The following PLEKHA8 variants were observed in gnomAD, a reference collection of about 807,000 sequenced individuals.
The protein encoded by PLEKHA8 is pleckstrin homology domain containing A8, also known as pleckstrin homology domain-containing family A member 8.
In PLEKHA8, 36 loss-of-function variants were observed where a neutral mutation model predicts 68.2. The observed-to-expected ratio is 0.53, with a 90% CI of 0.40 to 0.70. The LOEUF (loss-of-function observed/expected upper bound fraction) is 0.70. Ranked by LOEUF, PLEKHA8 falls within the 30% of genes least tolerant of loss-of-function variation. PLEKHA8 has a pLI of 0.00. For synonymous variants in PLEKHA8, 211 were observed against 216.1 expected (o/e 0.98, Z 0.20); for missense variants, 505 against 615.4 (o/e 0.82, Z 1.90).
chr7:30,129,461 T>A, exon 14 of PLEKHA8: 1 of 859,102 alleles, frequency 1.2e-6, no homozygotes, highest in Non-Finnish European at 1.8e-6. Context: ...AAACTTTATC[T>A]TGTTCAAGTC....
At chr7:30,055,017 C>G in intron 8 of PLEKHA8, 152 bp downstream of exon 8, 1 of 846,028 alleles carries the variant, frequency 1.2e-6, no homozygotes, top group Non-Finnish European at 1.8e-6. Context: ...TCTTTCTTAC[C>G]AATGAATAAG....
intron 13 of PLEKHA8, among the ~76,000 whole-genome samples, chr7:30,111,028 C>T (rs776019680): frequency 8.6e-5 from 13 of 151,984 alleles, no homozygotes; most frequent in Non-Finnish European, 1.6e-4. Flanking sequence ...CCTCAGCCCC[C>T]CGAGTAGCTG....
intron 1 of PLEKHA8, among the ~76,000 whole-genome samples, chr7:30,031,887 AGT>A (rs1422170815): frequency 6.6e-6 from 1 of 152,046 alleles, no homozygotes; most frequent in Admixed American, 6.5e-5. Context: ...GGTTTATGTG[AGT>A]GTATTTCTAG....
chr7:30,118,133 C>A, intron 13 of PLEKHA8: 1 of 976,202 alleles, frequency 1.0e-6, no homozygotes, highest in Non-Finnish European at 1.4e-6. Flanking sequence ...CTCTCCTGGG[C>A]CAGGATGCCC....
rs758743014 is a variant in PLEKHA8 at position 30,032,867 on chromosome 7, C to T, written c.40+4065C>T. 3.3e-5 allele frequency among the ~76,000 whole-genome samples: 5 copies of T among 152,212 alleles called. No homozygotes were observed. In the East Asian group the frequency reaches 7.7e-4, roughly 23 times the overall value. ...GCTGCTGTTGTGAACTCCAGCCAGC[C>T]GAAGGCTGCTTGTGCCTCTCCAGCA... On this transcript the variant is annotated intron_variant, in intron 1 of 13. Transcript: ENST00000449726.
At chr7:30,057,918 T>A (rs943193401) in intron 9 of PLEKHA8, among the ~76,000 whole-genome samples, 42 of 152,226 alleles carry the variant, frequency 2.8e-4, no homozygotes, top group African/African-American at 1.0e-3. Flanking sequence ...GCACAGTTGT[T>A]CATAGTGTAT....
At chr7:30,063,491 G>A (rs180679604) in intron 12 of PLEKHA8, among the ~76,000 whole-genome samples, 1 of 152,160 alleles carries the variant, frequency 6.6e-6, no homozygotes, top group Non-Finnish European at 1.5e-5. Flanking sequence ...AGGCGTGTGT[G>A]GAGAAAAAAA....
At chr7:30,098,339 A>G (rs1795712880) in intron 13 of PLEKHA8, among the ~76,000 whole-genome samples, 1 of 151,836 alleles carries the variant, frequency 6.6e-6, no homozygotes, top group African/African-American at 2.4e-5. Context: ...GAGAACCACT[A>G]CTCTCTTCAA....
At chr7:30,070,677 C>T (rs542306522) in intron 12 of PLEKHA8, among the ~76,000 whole-genome samples, 108 of 151,910 alleles carry the variant, frequency 7.1e-4, no homozygotes, top group African/African-American at 2.5e-3. Flanking sequence ...TCCCGAGTAG[C>T]TGGGATTACG....
At chr7:30,098,696 G>A (rs1251108403) in intron 13 of PLEKHA8, among the ~76,000 whole-genome samples, 1 of 152,244 alleles carries the variant, frequency 6.6e-6, no homozygotes, top group Non-Finnish European at 1.5e-5. Flanking sequence ...CAGTATTAGG[G>A]TGGGAGTGAC....
chr7:30,122,590 T>G (rs1362928577), intron 13 of PLEKHA8, among the ~76,000 whole-genome samples: 3 of 152,222 alleles, frequency 2.0e-5, no homozygotes, highest in African/African-American at 7.2e-5. Context: ...TGAGAATATC[T>G]CCATCTCCAT....
rs1296340252 is a variant in PLEKHA8, at chr7:30,054,753, A to G, written c.841A>G (p.Asn281Asp). Reference protein sequence around the residue: ...RKEDGMENLKNHDNNLTQSGS... With the variant: ...RKEDGMENLKDHDNNLTQSGS... ...GGAAGATGGAATGGAAAACCTGAAA[A>G]ATCATGACAATAACTTGACTCAGTC... The change falls in exon 8 of 14, where the codon AAT (asparagine) becomes GAT (aspartate). Residue 281 changes from asparagine (N) to aspartate (D), a missense_variant. Transcript: ENST00000449726. 3 of 1,604,946 alleles carry G rather than the reference A, an allele frequency of 1.9e-6. No homozygotes were observed. The highest frequency in any genetic ancestry group is 2.6e-6 in the Non-Finnish European group (3 of 1,174,804).
rs780030762 is a variant in PLEKHA8 at position 30,062,770 on chromosome 7, G to A, written c.1300+28G>A. 3 of 1,557,518 alleles carry A rather than the reference G, an allele frequency of 1.9e-6. No homozygotes were observed. The East Asian group carries it at 6.7e-5, about 35-fold the overall frequency. On this transcript the variant is annotated intron_variant, in intron 12 of 13. Coordinates refer to ENST00000449726, the MANE Select transcript of PLEKHA8 (RefSeq NM_001197026.2). ...AAGTGTTCTTTATGTTTTGTTGAAT[G>A]AGTCAATAGACTGTGGAATGGAGAC...
chr7:30,075,173 G>A (rs1033416939), intron 13 of PLEKHA8: 1 of 152,100 alleles, frequency 6.6e-6, no homozygotes, highest in African/African-American at 2.4e-5. Context: ...TATTAGGGAG[G>A]GCGGTAAAGT....
rs139170989 is a variant in PLEKHA8 at position 30,116,073 on chromosome 7, T to TAC, written c.1363-13193_1363-13192insAC. 63 of 105,560 alleles carry TAC rather than the reference T, an allele frequency of 6.0e-4. 8 individuals are homozygous for TAC. The highest frequency in any genetic ancestry group is 1.3e-3 in the African/African-American group (36 of 27,130). The allele number at this position is 105,560 out of a possible 1,614,324, so 6.5% of individuals were successfully genotyped here. ...ATACATACGTATGCATACGTATACA[T>TAC]GTATACATACGCATACATACGTATA... is the stretch of plus-strand genomic sequence containing the variant. On this transcript the variant is annotated intron_variant, in intron 13 of 13. Transcript: ENST00000396257.
intron 11 of PLEKHA8, 56 bp downstream of exon 11, chr7:30,062,083 CAAAA>C: frequency 6.4e-7 from 1 of 1,550,616 alleles, no homozygotes; most frequent in East Asian, 2.3e-5. Context: ...AAATTACCAG[CAAAA>C]AAAATTGTTA....
At chr7:30,029,119 G>T (rs977270459) in intron 1 of PLEKHA8, among the ~76,000 whole-genome samples, 1 of 152,378 alleles carries the variant, frequency 6.6e-6, no homozygotes, top group Non-Finnish European at 1.5e-5. Context: ...ACGCCCCGCC[G>T]TGGGGTTCTC....
At position 30,084,438 on chromosome 7, in the gene PLEKHA8, C is replaced by G. The variant is rs962896029; in HGVS notation, c.*5651C>G. ...TTGTTAACTTCTTAATTTAATGGAC[C>G]TTTACTTAGAATATAATATGTTGGA... On this transcript the variant is annotated 3_prime_UTR_variant, in exon 14 of 14. Coordinates refer to ENST00000449726, the MANE Select transcript of PLEKHA8 (RefSeq NM_001197026.2). 13 of 985,092 alleles carry G rather than the reference C, an allele frequency of 1.3e-5. No individual in the cohort carries two copies. The highest frequency in any genetic ancestry group is 1.6e-5 in the Non-Finnish European group (13 of 829,868). The allele number at this position is 985,092 out of a possible 1,614,324, so 61.0% of individuals were successfully genotyped here.
chr7:30,108,167 C>T (rs1195375507), intron 13 of PLEKHA8, among the ~76,000 whole-genome samples: 1 of 148,610 alleles, frequency 6.7e-6, no homozygotes, highest in East Asian at 2.0e-4. Context: ...AAGAGATTTT[C>T]TAACTTTAAC....
Sources: gnomAD v4.1 joint callset for allele counts (sites outside exome capture counted in the v4.1 genomes callset) on GRCh38, gnomAD v4.1.1 for gene constraint, MANE v1.5 for transcripts, NCBI Gene and HGNC (gene_info 2026-07-23, HGNC 2026-07-21) for gene names.